The following DHX38 variants were observed in gnomAD, a reference collection of about 807,000 sequenced individuals.
The protein encoded by DHX38 is DEAH-box helicase 38.
DHX38 carries 100 observed loss-of-function variants against 153.1 expected under a neutral mutation model. The observed-to-expected ratio is 0.65, with a 90% CI of 0.56 to 0.77. The LOEUF is 0.77. DHX38 is among the 30% of genes least tolerant of loss of function. The probability of loss-of-function intolerance (pLI) is 0.00; values close to 1 mark genes in which losing one functional copy is unlikely to be tolerated. For synonymous variants in DHX38, 650 were observed against 631.7 expected (o/e 1.03, Z -0.43); for missense variants, 1,440 against 1,654.0 (o/e 0.87, Z 2.24).
intron 9 of DHX38, 81 bp from the exon 10 acceptor site, chr16:72,101,005 C>G: frequency 7.4e-7 from 1 of 1,352,928 alleles, no homozygotes. Flanking sequence ...GGGTAGCAGT[C>G]CCTTTCACAA....
In DHX38 at chr16:72,112,491, T is replaced by A. The variant is rs2042270444; in HGVS notation, c.3678T>A (p.Gly1226=). 5 of 1,612,148 alleles carry A rather than the reference T, an allele frequency of 3.1e-6. No homozygotes were observed. The African/African-American group carries it at 5.3e-5, about 17-fold the overall frequency. Residue 1226 remains glycine, a synonymous_variant, in exon 27 of 27, where the codon GGT becomes GGA. Transcript: ENST00000268482. ...MTPRRTPARF[G]L Reference sequence around the variant, plus strand: ...CTCGCCGCACGCCAGCCCGCTTTGGTCTGTGAGCTGAGGCTGTCCCCAGAG... The same window carrying A: ...CTCGCCGCACGCCAGCCCGCTTTGGACTGTGAGCTGAGGCTGTCCCCAGAG...
At position 72,099,727 on chromosome 16, in the gene DHX38, TGCA is replaced by T. The variant is rs1330835129; in HGVS notation, c.961-1_962del. On this transcript the variant is annotated splice_acceptor_variant and splice_polypyrimidine_tract_variant and intron_variant, in intron 7 of 26. Coordinates refer to ENST00000268482, the MANE Select transcript of DHX38 (RefSeq NM_014003.4). LOFTEE classifies it high-confidence loss of function. ...CACTCCCTTGCTTTGCCTCCTGCCCTGCAGCAAGCCGATCGGGATTGGTACATG... is the reference window on the plus strand; with the variant it reads ...CACTCCCTTGCTTTGCCTCCTGCCCTGCAAGCCGATCGGGATTGGTACATG... The T allele has an allele frequency of 6.2e-7, 1 of 1,613,872 alleles. No homozygotes were observed. The highest frequency in any genetic ancestry group is 8.5e-7 in the Non-Finnish European group (1 of 1,179,938).
intron 10 of DHX38, 88 bp from the exon 11 acceptor site, chr16:72,101,412 G>A (rs2042098732): frequency 7.4e-7 from 1 of 1,353,140 alleles, no homozygotes. Context: ...ACCACCTGCG[G>A]GGTGAAGTCT....
intron 10 of DHX38, 133 bp downstream of exon 10, chr16:72,101,326 G>C (rs878867261): frequency 1.3e-5 from 15 of 1,161,548 alleles, no homozygotes; most frequent in African/African-American, 1.5e-5. Context: ...CGACAGCTGC[G>C]GGGCCTGGTG....
chr16:72,100,936 A>G (rs2042091373), intron 9 of DHX38, 150 bp from the exon 10 acceptor site: 1 of 808,478 alleles, frequency 1.2e-6, no homozygotes, highest in South Asian at 1.7e-5. Flanking sequence ...CACACACAAA[A>G]AAGGCCTGAT....
rs766051281 is a variant in DHX38 at position 72,103,121 on chromosome 16, G to A, written c.1547G>A (p.Ser516Asn). Reference protein sequence around the residue: ...ADHMKRKSEASSEFAKKKSIL... With the variant: ...ADHMKRKSEANSEFAKKKSIL... Reference sequence around the variant, plus strand: ...CACATGAAGAGAAAGAGCGAAGCCAGCAGTGAATTTGCAAAGAAGAAGTCC... The same window carrying A: ...CACATGAAGAGAAAGAGCGAAGCCAACAGTGAATTTGCAAAGAAGAAGTCC... Residue 516 changes from serine to asparagine, a missense_variant, in exon 12 of 27, where the codon AGC (serine) becomes AAC (asparagine). Around this residue, in one of 6 missense-constraint regions of DHX38, gnomAD observed 241 missense variants for 229.5 expected, o/e 1.05. Transcript: ENST00000268482. The A allele has an allele frequency of 6.2e-7, 1 of 1,614,236 alleles. No individual in the cohort carries two copies. The highest frequency in any genetic ancestry group is 1.1e-5 in the South Asian group (1 of 91,086).
chr16:72,096,089 A>ATAG, intron 1 of DHX38, 50 bp from the exon 2 acceptor site: 1 of 1,514,100 alleles, frequency 6.6e-7, no homozygotes, highest in Non-Finnish European at 8.9e-7. Flanking sequence ...ATTGTGGGAT[A>ATAG]TAGTAGAGCT....
At chr16:72,097,228 G>A (rs1188431072) in intron 3 of DHX38, 16 of 469,266 alleles carry the variant, frequency 3.4e-5, no homozygotes, top group Non-Finnish European at 5.2e-5. Flanking sequence ...TGTGGTCTTC[G>A]TTTTATTATG....
intron 12 of DHX38, 107 bp from the exon 13 acceptor site, chr16:72,103,495 T>C: frequency 2.3e-6 from 3 of 1,285,558 alleles, no homozygotes; most frequent in Non-Finnish European, 3.3e-6. Flanking sequence ...ACCGGCATGC[T>C]CCCTGGATAG....
Position 72,104,721 on chromosome 16 carries a change from G to A in DHX38, c.2151+95G>A. 1 of 1,554,298 alleles carries A rather than the reference G, an allele frequency of 6.4e-7. No homozygotes were observed. Among genetic ancestry groups the A allele is most frequent in the African/African-American group, 1.4e-5 (1 of 73,918 alleles). ...AGGGTGGAGGGTGGGTAGGGGACTG[G>A]GTTGGAGAAGATTTCCTGGGGACCA... On this transcript the variant is annotated intron_variant, in intron 15 of 26. Transcript: ENST00000268482. This position sits in a 1 kb window ranked among gnomAD's most constrained non-coding sequence, Gnocchi z 4.5.
Position 72,108,920 on chromosome 16 carries a change from A to G in DHX38, c.3376A>G (p.Thr1126Ala), listed in dbSNP as rs1206025368. 1.2e-6 allele frequency: 2 copies of G among 1,601,628 alleles called. No homozygotes were observed. The highest frequency in any genetic ancestry group is 1.7e-6 in the Non-Finnish European group (2 of 1,174,006). ...AGTGTATCACGAGTTGGTCATGACCACCAAGGTGAGTCTTTTCCAAGGCAC... is the reference window on the plus strand; with the variant it reads ...AGTGTATCACGAGTTGGTCATGACCGCCAAGGTGAGTCTTTTCCAAGGCAC... ...YIVYHELVMT[T>A]KEYMQCVTAV... Residue 1126 changes from threonine (T) to alanine (A), a missense_variant, in exon 24 of 27, where the codon ACC becomes GCC. Transcript: ENST00000268482.
In DHX38 at chr16:72,108,925, G is replaced by T. The variant is rs2042221112; in HGVS notation, c.3381G>T (p.Lys1127Asn). The T allele has an allele frequency of 6.3e-7, 1 of 1,598,622 alleles. No individual in the cohort carries two copies. The highest frequency in any genetic ancestry group is 1.7e-5 in the Admixed American group (1 of 57,296). Reference protein sequence around the residue: ...IVYHELVMTTKEYMQCVTAVD... With the variant: ...IVYHELVMTTNEYMQCVTAVD... ...ATCACGAGTTGGTCATGACCACCAAGGTGAGTCTTTTCCAAGGCACTTGCA... is the reference window on the plus strand; with the variant it reads ...ATCACGAGTTGGTCATGACCACCAATGTGAGTCTTTTCCAAGGCACTTGCA... Residue 1127 changes from lysine (K) to asparagine (N), a missense_variant and splice_region_variant, in exon 24 of 27, where the codon AAG (lysine) becomes AAT (asparagine). By Grantham distance (94) the Lys-to-Asn change is moderately conservative. This residue lies in a region of DHX38 where 543 missense variants were observed against 717.9 expected (regional missense o/e 0.76). Coordinates refer to ENST00000268482, the MANE Select transcript of DHX38 (RefSeq NM_014003.4).
chr16:72,100,626 A>G, intron 9 of DHX38, 29 bp downstream of exon 9: 9 of 1,610,826 alleles, frequency 5.6e-6, no homozygotes, highest in Non-Finnish European at 7.6e-6. Context: ...CAGGGACAAG[A>G]CAGCTCAGAG....
rs369747835 is a variant in DHX38, at chr16:72,105,212, G to C, written c.2263-20G>C. The C allele has an allele frequency of 6.2e-7, 1 of 1,613,978 alleles. No homozygotes were observed. The highest frequency in any genetic ancestry group is 8.5e-7 in the Non-Finnish European group (1 of 1,179,848). Reference sequence around the variant, plus strand: ...GAGGTTAGGGTTCCAGTGTCTCACAGCTCCTCCCTGGGCTCTCAGGTGACC... The same window carrying C: ...GAGGTTAGGGTTCCAGTGTCTCACACCTCCTCCCTGGGCTCTCAGGTGACC... On this transcript the variant is annotated intron_variant, in intron 16 of 26. Coordinates refer to ENST00000268482, the MANE Select transcript of DHX38 (RefSeq NM_014003.4).
At position 72,107,545 on chromosome 16, in the gene DHX38, A is replaced by G; in HGVS notation, c.2806A>G (p.Thr936Ala). 6.2e-7 allele frequency: 1 copy of G among 1,611,776 alleles called. No homozygotes were observed. Among genetic ancestry groups the G allele is most frequent in the Non-Finnish European group, 8.5e-7 (1 of 1,178,098 alleles). The change falls in exon 20 of 27, where the codon ACA (threonine) becomes GCA (alanine). Residue 936 changes from threonine (T) to alanine (A), a missense_variant. Physicochemically the swap from Thr to Ala is moderately conservative, Grantham distance 58. Transcript: ENST00000268482. The surrounding 1 kb of genome is among the most constrained non-coding windows in gnomAD (Gnocchi z 5.3). ...QLWILGALDN[T>A]GGLTSTGRLM... ...CTGGATCCTCGGGGCCCTGGACAAC[A>G]CAGGTGAGGCGGCCCCGGGAGCCTC...
In DHX38 at chr16:72,104,966, G is replaced by A; in HGVS notation, c.2152-61G>A. ...CAGTGCCTGGGCCACTGGGCTCCCA[G>A]GAGATGCCCGGCCTGCGCTTCTAGT... On this transcript the variant is annotated intron_variant, in intron 15 of 26. Transcript: ENST00000268482. This position sits in a 1 kb window ranked among gnomAD's most constrained non-coding sequence, Gnocchi z 4.5. The A allele has an allele frequency of 6.6e-7, 1 of 1,522,494 alleles. No individual in the cohort carries two copies. The highest frequency in any genetic ancestry group is 9.0e-7 in the Non-Finnish European group (1 of 1,115,918). The allele number at this position is 1,522,494 out of a possible 1,614,324, so 94.3% of individuals were successfully genotyped here.
chr16:72,112,183 T>G, intron 26 of DHX38: 5 of 558,806 alleles, frequency 8.9e-6, no homozygotes, highest in Admixed American at 3.0e-5. Flanking sequence ...GTGGGAGGAG[T>G]TGTTAAAATC....
chr16:72,099,136 G>A (rs989119629), intron 6 of DHX38, 68 bp from the exon 7 acceptor site: 1 of 1,594,276 alleles, frequency 6.3e-7, no homozygotes, highest in Non-Finnish European at 8.6e-7. Flanking sequence ...GCATGGCCCT[G>A]CAGATCTGTC....
intron 10 of DHX38, 128 bp downstream of exon 10, chr16:72,101,321 G>A (rs1198756541): frequency 8.4e-6 from 10 of 1,185,852 alleles, no homozygotes; most frequent in Non-Finnish European, 1.2e-5. Flanking sequence ...AGGCCCGACA[G>A]CTGCGGGGCC....
Sources: allele counts gnomAD v4.1 joint callset, GRCh38; gene constraint gnomAD v4.1.1; regional missense constraint gnomAD v4.1.1; non-coding constraint Gnocchi (gnomAD v3.1); transcripts MANE v1.5; gene names NCBI Gene and HGNC (gene_info 2026-07-23, HGNC 2026-07-21).